Variants in PRKG1 observed in about 807,000 individuals in gnomAD.
PRKG1 encodes protein kinase cGMP-dependent 1, also known as cGMP-dependent protein kinase 1.
In PRKG1, 35 loss-of-function variants were observed where a neutral mutation model predicts 88.1. The ratio of observed to expected loss-of-function variants is 0.40; its 90% CI spans 0.30 to 0.53. PRKG1 has a LOEUF of 0.53. PRKG1 is among the 20% of genes least tolerant of loss of function. The pLI, the probability that PRKG1 is intolerant of heterozygous loss-of-function variation, is 0.59. For missense variants in PRKG1, 540 were observed against 839.8 expected (o/e 0.64, Z 4.41); for synonymous variants, 303 against 292.5 (o/e 1.04, Z -0.37).
intron 2 of PRKG1, among the ~76,000 whole-genome samples, chr10:51,458,012 C>G (rs1334057866): frequency 6.6e-6 from 1 of 152,116 alleles, no homozygotes; most frequent in Non-Finnish European, 1.5e-5. Flanking sequence ...TCTTATTAAG[C>G]AGATGTTTAG....
chr10:51,152,665 T>C (rs1315764764), intron 1 of PRKG1, among the ~76,000 whole-genome samples: 2 of 152,030 alleles, frequency 1.3e-5, no homozygotes, highest in Non-Finnish European at 2.9e-5. Flanking sequence ...GCATTAAGTC[T>C]AGCAGAAGAG....
intron 1 of PRKG1, among the ~76,000 whole-genome samples, chr10:51,013,383 G>C (rs1205075003): frequency 6.6e-6 from 1 of 152,046 alleles, no homozygotes; most frequent in African/African-American, 2.4e-5. Context: ...TTTCAGTTTC[G>C]ACCATTTAGT....
In PRKG1 at chr10:51,965,198, C is replaced by T. The variant is rs552359698; in HGVS notation, c.762+57628C>T. ...ATCAATGAGGTATTAAGCCTAGTTACCATTAGTTATTTTTCCTGATTCTTT... is the reference window on the plus strand; with the variant it reads ...ATCAATGAGGTATTAAGCCTAGTTATCATTAGTTATTTTTCCTGATTCTTT... On this transcript the variant is annotated intron_variant, in intron 5 of 17. Transcript: ENST00000373980. 2.0e-5 allele frequency among the ~76,000 whole-genome samples: 3 copies of T among 152,158 alleles called. No homozygotes were observed. In the South Asian group the frequency reaches 6.2e-4, roughly 32 times the overall value.
intron 7 of PRKG1, 132 bp from the exon 8 acceptor site, chr10:52,133,708 A>C: frequency 8.7e-6 from 6 of 687,802 alleles, no homozygotes; most frequent in Non-Finnish European, 1.4e-5. Context: ...AAACATAAAC[A>C]AAGCTTAAGC....
chr10:51,962,230 G>A (rs1843464530), intron 5 of PRKG1, among the ~76,000 whole-genome samples: 1 of 152,068 alleles, frequency 6.6e-6, no homozygotes, highest in African/African-American at 2.4e-5. Flanking sequence ...TGGACATCTA[G>A]GGTTCAAATT....
rs186847370 is a variant in PRKG1 at position 52,011,693 on chromosome 10, G to T, written c.763-42791G>T. The stretch of plus-strand genomic sequence containing the variant: ...CAATGCCAAACTGGTTGACAGAGCA[G>T]ATTTTTAACATTGCCTCCATTTCTA... On this transcript the variant is annotated intron_variant, in intron 5 of 17. Coordinates refer to ENST00000373980, the MANE Select transcript of PRKG1 (RefSeq NM_006258.4). Among the ~76,000 whole-genome samples the T allele has an allele frequency of 2.0e-3, 301 of 152,266 alleles. 1 individual carries two copies. Among genetic ancestry groups the T allele is most frequent in the Non-Finnish European group, 3.2e-3 (217 of 68,026 alleles).
chr10:51,412,795 G>C (rs777547988), intron 2 of PRKG1, among the ~76,000 whole-genome samples: 1 of 152,204 alleles, frequency 6.6e-6, no homozygotes, highest in Admixed American at 6.5e-5. Context: ...GTGTGTCCCA[G>C]TTCCCCTGTG....
intron 3 of PRKG1, among the ~76,000 whole-genome samples, chr10:51,630,766 AAC>A (rs1839505979): frequency 2.0e-5 from 3 of 152,140 alleles, no homozygotes; most frequent in Non-Finnish European, 4.4e-5. Context: ...CTATCTTTCG[AAC>A]TGCAGCCTCT....
intron 3 of PRKG1, among the ~76,000 whole-genome samples, chr10:51,690,118 A>C (rs1007911596): frequency 6.6e-6 from 1 of 152,302 alleles, no homozygotes; most frequent in Non-Finnish European, 1.5e-5. Flanking sequence ...ACAGGACCAG[A>C]GCAGGAGCAA....
chr10:51,616,693 C>A (rs1839065597), intron 3 of PRKG1, among the ~76,000 whole-genome samples: 1 of 152,066 alleles, frequency 6.6e-6, no homozygotes, highest in Non-Finnish European at 1.5e-5. Context: ...CAGTTACCAG[C>A]TATGCTAGGC....
chr10:51,438,087 G>T (rs1181375416), intron 2 of PRKG1, among the ~76,000 whole-genome samples: 1 of 151,602 alleles, frequency 6.6e-6, no homozygotes, highest in Non-Finnish European at 1.5e-5. Context: ...ATGAGAATTT[G>T]AATTTAACAG....
At chr10:51,184,289 T>C (rs1197092381) in intron 2 of PRKG1, among the ~76,000 whole-genome samples, 2 of 152,214 alleles carry the variant, frequency 1.3e-5, no homozygotes, top group African/African-American at 2.4e-5. Flanking sequence ...GAAGCTTTTA[T>C]TTTTTGATGG....
intron 9 of PRKG1, among the ~76,000 whole-genome samples, chr10:52,232,700 G>A (rs1164247703): frequency 6.6e-6 from 1 of 152,136 alleles, no homozygotes; most frequent in East Asian, 1.9e-4. Flanking sequence ...GACTACTTCT[G>A]CTTCTGTTCA....
chr10:52,121,131 T>A (rs1006161598), intron 7 of PRKG1, among the ~76,000 whole-genome samples: 2 of 152,102 alleles, frequency 1.3e-5, no homozygotes, highest in Non-Finnish European at 2.9e-5. Context: ...AGTGCTGCAT[T>A]GGGATGAAGA....
chr10:51,815,086 C>T (rs1361428505), intron 4 of PRKG1, among the ~76,000 whole-genome samples: 1 of 152,154 alleles, frequency 6.6e-6, no homozygotes, highest in Non-Finnish European at 1.5e-5. Flanking sequence ...GGATCAGTCT[C>T]TTTAAGGACT....
chr10:51,133,840 GA>G (rs1246648075), intron 1 of PRKG1, among the ~76,000 whole-genome samples: 1 of 151,752 alleles, frequency 6.6e-6, no homozygotes, highest in African/African-American at 2.4e-5. Context: ...TGCATTTTGT[GA>G]AAAAATATAT....
In PRKG1 at chr10:51,106,759, G is replaced by C. The variant is rs867490743; in HGVS notation, c.311+31858G>C. The stretch of plus-strand genomic sequence containing the variant: ...GAATATGTCACTGAAATGCTATGTG[G>C]ACAACAAAACTTCATGGTGGGGACA... On this transcript the variant is annotated intron_variant, in intron 1 of 17. Transcript: ENST00000373980. Among the ~76,000 whole-genome samples the C allele has an allele frequency of 2.6e-5, 4 of 152,118 alleles. No homozygotes were observed. The South Asian group carries it at 6.2e-4, about 24-fold the overall frequency.
rs1186521979 is a variant in PRKG1 at position 51,409,468 on chromosome 10, CA to C, written c.479-58254del. Among the ~76,000 whole-genome samples the C allele has an allele frequency of 1.1e-4, 17 of 152,222 alleles. No homozygotes were observed. In the East Asian group the frequency reaches 2.9e-3, roughly 26 times the overall value. On this transcript the variant is annotated intron_variant, in intron 2 of 17. Transcript: ENST00000373980. Reference sequence around the variant, plus strand: ...ATGGCTAGATGGGTCAGAAAGCACCCAGGGGCAGTTCAGGTTGTGTGGTGAC... The same window carrying C: ...ATGGCTAGATGGGTCAGAAAGCACCCGGGGCAGTTCAGGTTGTGTGGTGAC...
chr10:51,512,174 A>AG (rs1375160777), intron 3 of PRKG1, among the ~76,000 whole-genome samples: 902 of 72,056 alleles, frequency 0.013, 10 homozygotes, highest in African/African-American at 0.055. Flanking sequence ...CATTCTAATT[A>AG]ATTTTTTTTT....
Sources: gnomAD v4.1 joint callset for allele counts (sites outside exome capture counted in the v4.1 genomes callset) on GRCh38, gnomAD v4.1.1 for gene constraint, MANE v1.5 for transcripts, NCBI Gene and HGNC (gene_info 2026-07-23, HGNC 2026-07-21) for gene names.